The following MMEL1 variants were observed in gnomAD, a reference collection of about 807,000 sequenced individuals.
MMEL1 encodes membrane metalloendopeptidase like 1.
Under a neutral mutation model 117.1 loss-of-function variants are expected in MMEL1, and 98 were observed. The observed-to-expected ratio is 0.84, with a 90% CI of 0.71 to 0.99. The LOEUF (loss-of-function observed/expected upper bound fraction) is 0.99. Ranked by LOEUF, MMEL1 falls within the 50% of genes least tolerant of loss-of-function variation. The pLI, the probability that MMEL1 is intolerant of heterozygous loss-of-function variation, is 0.00. For synonymous variants in MMEL1, 390 were observed against 415.1 expected (o/e 0.94, Z 0.74); for missense variants, 1,014 against 1,049.1 (o/e 0.97, Z 0.46).
At position 2,629,580 on chromosome 1, in the gene MMEL1, G is replaced by A. The variant is rs112110037; in HGVS notation, c.-37-59C>T. 1.8e-3 allele frequency: 2,493 copies of A among 1,352,626 alleles called. 5 individuals are homozygous for A. Among genetic ancestry groups the A allele is most frequent in the Non-Finnish European group, 2.2e-3 (2,349 of 1,044,188 alleles). The allele number at this position is 1,352,626 out of a possible 1,614,324, so 83.8% of individuals were successfully genotyped here. A position where few individuals can be genotyped will look rare whatever the true frequency, so the allele number is the denominator to read the frequency against. On this transcript the variant is annotated intron_variant, in intron 1 of 23. Coordinates refer to ENST00000378412, the MANE Select transcript of MMEL1 (RefSeq NM_033467.4). ...GCGTGGAGCTCCCCGAGCCCGGCCC[G>A]AGGCTGGAAGGGCCGGATGCTGGCT...
At chr1:2,624,644 G>A (rs1645341972) in intron 2 of MMEL1, among the ~76,000 whole-genome samples, 1 of 152,144 alleles carries the variant, frequency 6.6e-6, no homozygotes, top group Admixed American at 6.5e-5. Flanking sequence ...TGATGATGTT[G>A]CCAATAATAC....
At position 2,592,906 on chromosome 1, in the gene MMEL1, T is replaced by C; in HGVS notation, c.1928A>G (p.His643Arg). The C allele has an allele frequency of 6.2e-7, 1 of 1,613,784 alleles. No individual in the cohort carries two copies. ...MDWWSNFSTQ[H>R]FREQSECMIY... ...CATGCACTCTGACTGCTCCCGGAAG[T>C]GCTGGGTGGAGAAGTTACTCCACCA... Residue 643 changes from histidine to arginine, a missense_variant, in exon 20 of 24, where the codon CAC (histidine) becomes CGC (arginine). Physicochemically the swap from His to Arg is conservative, Grantham distance 29. Transcript: ENST00000378412.
intron 2 of MMEL1, among the ~76,000 whole-genome samples, chr1:2,620,456 A>G (rs1292184344): frequency 6.6e-6 from 1 of 152,186 alleles, no homozygotes; most frequent in Non-Finnish European, 1.5e-5. Context: ...CAAGGTCTCA[A>G]ATGCGTGTGG....
chr1:2,619,863 T>G (rs907055520), intron 2 of MMEL1, among the ~76,000 whole-genome samples: 5 of 151,988 alleles, frequency 3.3e-5, no homozygotes, highest in African/African-American at 1.2e-4. Context: ...TCTAAAGAAC[T>G]GACCCAGAAT....
chr1:2,606,894 T>C, intron 7 of MMEL1, 80 bp downstream of exon 7: 4 of 1,335,604 alleles, frequency 3.0e-6, no homozygotes, highest in East Asian at 4.6e-5. Flanking sequence ...GGTCCCCTCC[T>C]GGAAGGCCTC....
rs114330159 is a variant in MMEL1, at chr1:2,594,897, C to T, written c.1585-4G>A. ...ACAGGTCCTCTGAGAAGTTCAGCTA[C>T]GGGAGAGGGGCAGTCACTGCCAGAT... On this transcript the variant is annotated splice_polypyrimidine_tract_variant and splice_region_variant and intron_variant, in intron 16 of 23. Coordinates refer to ENST00000378412, the MANE Select transcript of MMEL1 (RefSeq NM_033467.4). The T allele has an allele frequency of 0.015, 24,751 of 1,612,112 alleles. 288 individuals are homozygous for T. The highest frequency in any genetic ancestry group is 0.039 in the African/African-American group (2,942 of 75,012).
At chr1:2,599,725 G>T (rs2100934726) in intron 11 of MMEL1, among the ~76,000 whole-genome samples, 1 of 152,216 alleles carries the variant, frequency 6.6e-6, no homozygotes, top group South Asian at 2.1e-4. Flanking sequence ...GGGTGTGGTG[G>T]CGCATGCTGT....
chr1:2,608,356 C>CTGGGGGTG (rs1487327577), intron 6 of MMEL1, among the ~76,000 whole-genome samples: 1 of 152,082 alleles, frequency 6.6e-6, no homozygotes, highest in African/African-American at 2.4e-5. Context: ...CGGTGCTGGG[C>CTGGGGGTG]CGGGGGTGCT....
chr1:2,620,574 T>A (rs900145931), intron 2 of MMEL1, among the ~76,000 whole-genome samples: 1 of 152,006 alleles, frequency 6.6e-6, no homozygotes, highest in African/African-American at 2.4e-5. Flanking sequence ...TATTTGGGGA[T>A]AGGGCCTGTG....
intron 6 of MMEL1, among the ~76,000 whole-genome samples, chr1:2,608,948 A>G (rs1028113085): frequency 6.6e-6 from 1 of 151,982 alleles, no homozygotes; most frequent in Admixed American, 6.6e-5. Flanking sequence ...CATACACAAT[A>G]TACATACATA....
intron 1 of MMEL1, among the ~76,000 whole-genome samples, chr1:2,631,263 T>C (rs1638566960): frequency 3.3e-5 from 5 of 152,148 alleles, no homozygotes; most frequent in Admixed American, 2.0e-4. Context: ...AGCTTAGCCC[T>C]GTACCAGGCA....
intron 2 of MMEL1, among the ~76,000 whole-genome samples, chr1:2,618,742 C>A (rs150773956): frequency 6.6e-6 from 1 of 152,300 alleles, no homozygotes; most frequent in East Asian, 1.9e-4. Flanking sequence ...CATTTCTCAG[C>A]CCAATAACAC....
intron 2 of MMEL1, among the ~76,000 whole-genome samples, chr1:2,619,257 G>A (rs1360172583): frequency 6.6e-6 from 1 of 152,202 alleles, no homozygotes; most frequent in African/African-American, 2.4e-5. Context: ...AACAGTGGAG[G>A]TGCCTCACAA....
At position 2,609,806 on chromosome 1, in the gene MMEL1, G is replaced by T; in HGVS notation, c.318C>A (p.Asp106Glu). 1.2e-6 allele frequency: 2 copies of T among 1,612,260 alleles called. No individual in the cohort carries two copies. The highest frequency in any genetic ancestry group is 1.7e-5 in the Admixed American group (1 of 59,846). Residue 106 changes from aspartate to glutamate, a missense_variant, in exon 5 of 24, where the codon GAC becomes GAA. Transcript: ENST00000378412. The part of the protein sequence containing the change: ...IAAARILQNM[D>E]PTTEPCDDFY... ...AGTCGTCACACGGTTCCGTGGTCGG[G>T]TCCATGTTCTGGAGGATCCTGGCAG... is the stretch of plus-strand genomic sequence containing the variant.
chr1:2,608,810 A>G (rs1167006333), intron 6 of MMEL1, among the ~76,000 whole-genome samples: 1 of 151,942 alleles, frequency 6.6e-6, no homozygotes, highest in Non-Finnish European at 1.5e-5. Flanking sequence ...ACATATACAC[A>G]TATACATAAC....
Position 2,612,168 on chromosome 1 carries a change from A to C in MMEL1, c.191T>G (p.Phe64Cys). The change falls in exon 3 of 24, where the codon TTC becomes TGC. Residue 64 changes from phenylalanine (F) to cysteine (C), a missense_variant. By Grantham distance (205) the Phe-to-Cys change is radical (BLOSUM62 -2). Coordinates refer to ENST00000378412, the MANE Select transcript of MMEL1 (RefSeq NM_033467.4). The surrounding 1 kb of genome is among the most constrained non-coding windows in gnomAD (Gnocchi z 5.4). Reference protein sequence around the residue: ...QLPRLASRLCFLQEERTFVKR... With the variant: ...QLPRLASRLCCLQEERTFVKR... ...TACAAAGGTCCTCTCCTCCTGTAAG[A>C]AGCACAGCCGGCTAGCAAGGCGTGG... 3 of 1,581,850 alleles carry C rather than the reference A, an allele frequency of 1.9e-6. No individual in the cohort carries two copies. Among genetic ancestry groups the C allele is most frequent in the Non-Finnish European group, 1.7e-6 (2 of 1,162,600 alleles).
intron 4 of MMEL1, among the ~76,000 whole-genome samples, chr1:2,610,890 A>C (rs974315928): frequency 1.3e-5 from 2 of 152,246 alleles, no homozygotes; most frequent in African/African-American, 4.8e-5. Flanking sequence ...CTTTCACAGC[A>C]TGTTAACAGT....
Position 2,594,923 on chromosome 1 carries a change from G to T in MMEL1, c.1585-30C>A, listed in dbSNP as rs576529920. ...GGGAGAGGGGCAGTCACTGCCAGAT[G>T]CTGGGGCCGGGCCCTCAGAGGAGCA... On this transcript the variant is annotated intron_variant, in intron 16 of 23. Transcript: ENST00000378412. 17 of 1,580,782 alleles carry T rather than the reference G, an allele frequency of 1.1e-5. No individual in the cohort carries two copies. The South Asian group carries it at 1.6e-4, about 14-fold the overall frequency.
chr1:2,605,530 T>G, intron 9 of MMEL1, 28 bp downstream of exon 9: 1 of 1,600,980 alleles, frequency 6.2e-7, no homozygotes. Context: ...GGGGGGGTCA[T>G]CTGGCATTGC....
Sources: allele counts gnomAD v4.1 joint callset (sites outside exome capture counted in the v4.1 genomes callset), GRCh38; gene constraint gnomAD v4.1.1; non-coding constraint Gnocchi (gnomAD v3.1); transcripts MANE v1.5; gene names NCBI Gene and HGNC (gene_info 2026-07-23, HGNC 2026-07-21).